CRTC3: variants seen among roughly 807,000 people sequenced by gnomAD.
The protein encoded by CRTC3 is CREB regulated transcription coactivator 3, also known as CREB-regulated transcription coactivator 3.
A neutral mutation model predicts 74.5 loss-of-function variants in CRTC3; 26 were observed. The observed-to-expected ratio is 0.35, with a 90% CI of 0.26 to 0.48. The LOEUF is 0.48. Among genes scored for constraint, CRTC3 ranks in the 20% least tolerant of loss-of-function variants. The probability of loss-of-function intolerance (pLI) is 0.99; values close to 1 mark genes in which losing one functional copy is unlikely to be tolerated. For synonymous variants in CRTC3, 377 were observed against 325.8 expected (o/e 1.16, Z -1.69); for missense variants, 760 against 787.3 (o/e 0.97, Z 0.41).
chr15:90,632,408 C>T (rs181942367), intron 11 of CRTC3, among the ~76,000 whole-genome samples: 54 of 151,984 alleles, frequency 3.6e-4, no homozygotes, highest in Admixed American at 1.0e-3. Flanking sequence ...CCAGCCTTGG[C>T]AACATAGTGA....
At position 90,629,359 on chromosome 15, in the gene CRTC3, C is replaced by T. The variant is rs762807146; in HGVS notation, c.1093C>T (p.Arg365Cys). The change falls in exon 11 of 15, where the codon CGT becomes TGT. Residue 365 changes from arginine (R) to cysteine (C), a missense_variant. By Grantham distance (180) the Arg-to-Cys change is radical. Transcript: ENST00000268184. ...CGCATCTGCTCTTCACCCTTCGCTC[C>T]GTCTGTTTTCCCTTAGCAACCCATC... is the stretch of plus-strand genomic sequence containing the variant. ...PNASALHPSL[R>C]LFSLSNPSLS... The T allele has an allele frequency of 1.8e-5, 29 of 1,613,960 alleles. 1 individual carries two copies. The highest frequency in any genetic ancestry group is 1.6e-4 in the Middle Eastern group (1 of 6,084).
intron 10 of CRTC3, among the ~76,000 whole-genome samples, chr15:90,627,817 T>A (rs1309093870): frequency 7.0e-6 from 1 of 143,758 alleles, no homozygotes; most frequent in Non-Finnish European, 1.5e-5. Context: ...GGTTTCACCT[T>A]GTTAGCCAGG....
At chr15:90,568,750 A>G (rs1025861815) in intron 2 of CRTC3, among the ~76,000 whole-genome samples, 2 of 152,180 alleles carry the variant, frequency 1.3e-5, no homozygotes, top group African/African-American at 4.8e-5. Flanking sequence ...CGTTGTTGTC[A>G]TATTTTAAGA....
intron 2 of CRTC3, among the ~76,000 whole-genome samples, chr15:90,578,711 A>G (rs1367502331): frequency 1.3e-5 from 2 of 152,224 alleles, no homozygotes; most frequent in Non-Finnish European, 2.9e-5. Flanking sequence ...AAAATCTGGT[A>G]TCGATTGTGA....
At chr15:90,547,162 C>G (rs7494949) in intron 2 of CRTC3, among the ~76,000 whole-genome samples, 127,417 of 152,142 alleles carry the variant, frequency 0.84, 53,572 homozygotes, top group Middle Eastern at 0.92. Context: ...ACGATATTTT[C>G]ATAAATGTAT....
chr15:90,589,757 C>T (rs577602561), intron 2 of CRTC3, among the ~76,000 whole-genome samples: 11 of 152,304 alleles, frequency 7.2e-5, no homozygotes, highest in Non-Finnish European at 1.5e-4. Context: ...GAGGCCGAGG[C>T]ATGTGGATCA....
At chr15:90,602,729 A>G (rs1220547541) in intron 4 of CRTC3, among the ~76,000 whole-genome samples, 3 of 152,156 alleles carry the variant, frequency 2.0e-5, no homozygotes, top group Non-Finnish European at 2.9e-5. Flanking sequence ...TAATCCCAGC[A>G]CTTTGGGAGG....
rs80282659 is a variant in CRTC3 at position 90,611,091 on chromosome 15, G to A, written c.578-3362G>A. 5.2e-3 allele frequency among the ~76,000 whole-genome samples: 789 copies of A among 152,216 alleles called. 10 individuals carry two copies. The highest frequency in any genetic ancestry group is 0.044 in the East Asian group (226 of 5,188). The stretch of plus-strand genomic sequence containing the variant: ...TGTTAATTGCATGGATTGGGCGGGG[G>A]TACAGTGGCAGGTACAAGCATCCCA... On this transcript the variant is annotated intron_variant, in intron 6 of 14. Transcript: ENST00000268184.
intron 10 of CRTC3, among the ~76,000 whole-genome samples, chr15:90,626,891 A>G (rs758108531): frequency 2.4e-4 from 37 of 152,240 alleles, no homozygotes; most frequent in Non-Finnish European, 5.0e-4. Flanking sequence ...CTGGGATTAC[A>G]GGCGTGAGCC....
At position 90,555,825 on chromosome 15, in the gene CRTC3, C is replaced by T. The variant is rs557073624; in HGVS notation, c.231+15688C>T. Among the ~76,000 whole-genome samples the T allele has an allele frequency of 3.6e-3, 546 of 152,170 alleles. 1 individual carries two copies. The highest frequency in any genetic ancestry group is 0.023 in the South Asian group (111 of 4,820). On this transcript the variant is annotated intron_variant, in intron 2 of 14. Transcript: ENST00000268184. ...GAGCCACCATGCCTGGCCTCTTTTTCTTTTTTAGCTTCCATTTTTAAACCT... is the reference window on the plus strand; with the variant it reads ...GAGCCACCATGCCTGGCCTCTTTTTTTTTTTTAGCTTCCATTTTTAAACCT...
At chr15:90,637,229 A>C (rs190798232) in intron 11 of CRTC3, among the ~76,000 whole-genome samples, 3,844 of 152,296 alleles carry the variant, frequency 0.025, 128 homozygotes, top group African/African-American at 0.07. Context: ...CAGCCATAAA[A>C]AATGATGAGT....
At chr15:90,596,801 T>C (rs1158460958) in intron 3 of CRTC3, among the ~76,000 whole-genome samples, 1 of 152,204 alleles carries the variant, frequency 6.6e-6, no homozygotes, top group Non-Finnish European at 1.5e-5. Flanking sequence ...TGAAGTTTCT[T>C]CATTTGAAAG....
intron 2 of CRTC3, among the ~76,000 whole-genome samples, chr15:90,574,348 C>T (rs993761926): frequency 7.2e-5 from 11 of 151,786 alleles, no homozygotes; most frequent in East Asian, 3.9e-4. Flanking sequence ...TGTGGTGGTG[C>T]GCACCTGTAG....
In CRTC3 at chr15:90,575,613, A is replaced by T. The variant is rs78449255; in HGVS notation, c.232-18023A>T. ...AGTTTAAATGCTACTTCCATCATAA[A>T]CTAAATTCTCATAGTTTGATTGGAT... On this transcript the variant is annotated intron_variant, in intron 2 of 14. Coordinates refer to ENST00000268184, the MANE Select transcript of CRTC3 (RefSeq NM_022769.5). Among the ~76,000 whole-genome samples, 1,384 of 152,258 alleles carry T rather than the reference A, an allele frequency of 9.1e-3. 19 individuals carry two copies. The highest frequency in any genetic ancestry group is 0.032 in the African/African-American group (1,323 of 41,554).
chr15:90,634,892 G>A, intron 11 of CRTC3: 1 of 1,570,956 alleles, frequency 6.4e-7, no homozygotes, highest in South Asian at 1.1e-5. Flanking sequence ...CTAAAGGTAA[G>A]GCTGGAGAGA....
At chr15:90,535,325 G>T (rs1257923969) in intron 1 of CRTC3, among the ~76,000 whole-genome samples, 2 of 152,188 alleles carry the variant, frequency 1.3e-5, no homozygotes, top group African/African-American at 2.4e-5. Context: ...TTATGAAGAG[G>T]AGGGAATGCC....
chr15:90,581,555 T>C (rs909439979), intron 2 of CRTC3, among the ~76,000 whole-genome samples: 3 of 152,172 alleles, frequency 2.0e-5, no homozygotes, highest in Non-Finnish European at 2.9e-5. Flanking sequence ...GTAGAAGTTA[T>C]TGAGTTAAAA....
At chr15:90,639,447 CTTTT>C (rs144912546) in intron 13 of CRTC3, among the ~76,000 whole-genome samples, 2,342 of 124,048 alleles carry the variant, frequency 0.019, 80 homozygotes, top group African/African-American at 0.067. Flanking sequence ...GGTTCCAGAA[CTTTT>C]TTTTTTTTTT....
intron 9 of CRTC3, among the ~76,000 whole-genome samples, 186 bp from the exon 10 acceptor site, chr15:90,625,590 G>A (rs1968804687): frequency 6.6e-6 from 1 of 152,152 alleles, no homozygotes. Flanking sequence ...CAGGTAGTGG[G>A]TGAGGATATG....
Sources: allele counts gnomAD v4.1 joint callset (sites outside exome capture counted in the v4.1 genomes callset), GRCh38; gene constraint gnomAD v4.1.1; transcripts MANE v1.5; gene names NCBI Gene and HGNC (gene_info 2026-07-23, HGNC 2026-07-21).